The following FANCA variants were observed in gnomAD, a reference collection of about 807,000 sequenced individuals.
The protein encoded by FANCA is FA complementation group A.
FANCA carries 236 observed loss-of-function variants against 194.3 expected under a neutral mutation model. The ratio of observed to expected loss-of-function variants is 1.21; its 90% CI spans 1.09 to 1.35. The LOEUF is 1.35. Among genes scored for constraint, FANCA ranks in the 40% most tolerant of loss-of-function variants. The pLI, the probability that FANCA is intolerant of heterozygous loss-of-function variation, is 0.00. For synonymous variants in FANCA, 1,014 were observed against 715.8 expected, an observed-to-expected ratio of 1.42 and a Z score of -6.65; for missense variants, 2,628 against 1,813.9, an observed-to-expected ratio of 1.45 and a Z score of -8.15.
At chr16:89,795,531 G>C (rs962017076) in intron 11 of FANCA, among the ~76,000 whole-genome samples, 2 of 151,804 alleles carry the variant, frequency 1.3e-5, no homozygotes, top group Non-Finnish European at 2.9e-5. Context: ...CCAGCTACTT[G>C]AGAGGCTGAG....
chr16:89,791,301 G>C (rs1238746047), intron 14 of FANCA, 102 bp downstream of exon 14: 5 of 1,467,010 alleles, frequency 3.4e-6, no homozygotes, highest in Non-Finnish European at 4.7e-6. Context: ...CAGCAAGGTT[G>C]CTCACTCACA....
Position 89,782,674 on chromosome 16 carries a change from G to T in FANCA, c.1626+185C>A, listed in dbSNP as rs142972042. Among the ~76,000 whole-genome samples the T allele has an allele frequency of 3.1e-3, 478 of 152,202 alleles. 6 individuals carry two copies. The highest frequency in any genetic ancestry group is 0.011 in the African/African-American group (443 of 41,530). On this transcript the variant is annotated intron_variant, in intron 17 of 42. Coordinates refer to ENST00000389301, the MANE Select transcript of FANCA (RefSeq NM_000135.4). ...CAGTAACCCTTTCCCTGCCAATGCT[G>T]GGGACACACAAGGTGGGACACAGCA...
chr16:89,769,024 T>C (rs1318032731), intron 26 of FANCA, among the ~76,000 whole-genome samples: 4 of 152,210 alleles, frequency 2.6e-5, no homozygotes, highest in Admixed American at 2.6e-4. Context: ...CCGAGGCCCA[T>C]GTCTGAGGTG....
chr16:89,762,812 T>G, intron 28 of FANCA: 2 of 448,658 alleles, frequency 4.5e-6, no homozygotes, highest in Non-Finnish European at 8.9e-6. Context: ...TTTAAAAACA[T>G]TTTTAGGAGG....
intron 15 of FANCA, among the ~76,000 whole-genome samples, chr16:89,784,146 A>C (rs1380387008): frequency 6.6e-6 from 1 of 152,048 alleles, no homozygotes; most frequent in Non-Finnish European, 1.5e-5. Flanking sequence ...CGGAAGGATC[A>C]CTTGAGCTCA....
At chr16:89,791,023 G>GTTTT (rs11355118) in intron 14 of FANCA, 51 of 94,846 alleles carry the variant, frequency 5.4e-4, no homozygotes, top group Non-Finnish European at 7.3e-4. Flanking sequence ...GTGTGTGTGT[G>GTTTT]TTTTTTTTTT....
intron 26 of FANCA, among the ~76,000 whole-genome samples, chr16:89,767,830 G>C (rs1010373799): frequency 1.3e-5 from 2 of 152,150 alleles, no homozygotes; most frequent in Non-Finnish European, 2.9e-5. Flanking sequence ...TTACAGGCAT[G>C]AGTCACTGCA....
At chr16:89,816,496 C>T (rs1386833145) in intron 1 of FANCA, 41 bp downstream of exon 1, 2 of 1,455,884 alleles carry the variant, frequency 1.4e-6, no homozygotes, top group South Asian at 1.3e-5. Flanking sequence ...CCGTCCCGGG[C>T]CGGACGCCGC....
At position 89,749,620 on chromosome 16, in the gene FANCA, A is replaced by C. The variant is rs2038510565; in HGVS notation, c.3239+110T>G. The C allele has an allele frequency of 2.2e-6, 3 of 1,366,352 alleles. No individual in the cohort carries two copies. In the South Asian group the frequency reaches 3.8e-5, roughly 17 times the overall value. The allele number at this position is 1,366,352 out of a possible 1,614,324, so 84.6% of individuals were successfully genotyped here. ...GGACAGGCTTGGGGTGGGGACACAC[A>C]GACAAGTAAGTAACGGGAAACAAAC... On this transcript the variant is annotated intron_variant, in intron 32 of 42. Transcript: ENST00000389301.
At chr16:89,770,512 G>C (rs2039286559) in intron 24 of FANCA, 52 bp downstream of exon 24, 2 of 1,522,658 alleles carry the variant, frequency 1.3e-6, no homozygotes, top group African/African-American at 1.4e-5. Flanking sequence ...GGCCCAGCAA[G>C]AGGTGGCACC....
intron 22 of FANCA, 26 bp downstream of exon 22, chr16:89,773,245 C>T (rs1337907005): frequency 2.1e-5 from 32 of 1,515,390 alleles, no homozygotes; most frequent in Non-Finnish European, 2.7e-5. Context: ...ACATGAGACA[C>T]AGCATGAGCT....
intron 7 of FANCA, among the ~76,000 whole-genome samples, chr16:89,803,557 G>A (rs887347343): frequency 2.6e-5 from 4 of 151,816 alleles, no homozygotes; most frequent in Non-Finnish European, 4.4e-5. Flanking sequence ...AGGACCCTTA[G>A]ATGAACCAGA....
At chr16:89,779,478 C>T (rs958829854) in intron 18 of FANCA, among the ~76,000 whole-genome samples, 1 of 152,146 alleles carries the variant, frequency 6.6e-6, no homozygotes, top group Non-Finnish European at 1.5e-5. Flanking sequence ...AACATCATGG[C>T]CCCACTGCCT....
intron 31 of FANCA, among the ~76,000 whole-genome samples, chr16:89,751,006 G>A (rs555260311): frequency 2.0e-5 from 3 of 152,220 alleles, no homozygotes; most frequent in African/African-American, 7.2e-5. Flanking sequence ...ATTCTCCTAA[G>A]TCAGCTTCCT....
At chr16:89,746,343 G>T (rs890521469) in intron 35 of FANCA, among the ~76,000 whole-genome samples, 2 of 152,208 alleles carry the variant, frequency 1.3e-5, no homozygotes, top group Non-Finnish European at 2.9e-5. Flanking sequence ...GTCCACAGGG[G>T]AGAAGTCCTG....
chr16:89,807,178 G>GTTTTTTTTTTTTTTTTT (rs1372752404), intron 6 of FANCA, among the ~76,000 whole-genome samples: 1 of 147,782 alleles, frequency 6.8e-6, no homozygotes, highest in African/African-American at 2.6e-5. Flanking sequence ...TAGGAAGCAG[G>GTTTTTTTTTTTTTTTTT]TTTTTCTTTT....
At chr16:89,799,750 T>G in intron 8 of FANCA, 112 bp from the exon 9 acceptor site, 3 of 957,822 alleles carry the variant, frequency 3.1e-6, no homozygotes, top group Non-Finnish European at 5.0e-6. Context: ...AAACGGCACT[T>G]CAGGAGGCCG....
intron 7 of FANCA, among the ~76,000 whole-genome samples, chr16:89,804,667 C>A (rs2040571435): frequency 6.6e-6 from 1 of 152,166 alleles, no homozygotes; most frequent in Admixed American, 6.6e-5. Flanking sequence ...CTAGTCTGAG[C>A]CATCCTCTGG....
At chr16:89,783,156 C>A in intron 15 of FANCA, 54 bp from the exon 16 acceptor site, 1 of 1,337,112 alleles carries the variant, frequency 7.5e-7, no homozygotes, top group South Asian at 1.2e-5. Flanking sequence ...GCCTGGGACT[C>A]CAGGGAGGCC....
Sources: gnomAD v4.1 joint callset for allele counts (sites outside exome capture counted in the v4.1 genomes callset) on GRCh38, gnomAD v4.1.1 for gene constraint, MANE v1.5 for transcripts, NCBI Gene and HGNC (gene_info 2026-07-23, HGNC 2026-07-21) for gene names.